Variants in CLEC1B observed in about 807,000 individuals in gnomAD.
The protein encoded by CLEC1B is C-type lectin-like receptor 2.
A neutral mutation model predicts 26.7 loss-of-function variants in CLEC1B; 26 were observed. The ratio of observed to expected loss-of-function variants is 0.97; its 90% CI spans 0.71 to 1.35. CLEC1B has a LOEUF of 1.35. CLEC1B is among the 40% of genes most tolerant of loss of function. CLEC1B has a pLI of 0.00. For synonymous variants in CLEC1B, 112 were observed against 96.0 expected (o/e 1.17, Z -0.97); for missense variants, 293 against 282.6 (o/e 1.04, Z -0.26).
At chr12:9,995,421 TA>T (rs1037657652) in intron 4 of CLEC1B, 175 bp from the exon 5 acceptor site, 11 of 609,484 alleles carry the variant, frequency 1.8e-5, no homozygotes, top group Non-Finnish European at 2.7e-5. Context: ...TCTGAGAACT[TA>T]AAAAAAACTT....
chr12:9,999,933 A>T (rs1865136196), upstream of CLEC1B, among the ~76,000 whole-genome samples: 2 of 152,208 alleles, frequency 1.3e-5, 1 homozygote, highest in South Asian at 4.1e-4. Context: ...TCACAATATA[A>T]TATGTATTGC....
At chr12:9,997,449 T>G (rs1291953047) in intron 2 of CLEC1B, among the ~76,000 whole-genome samples, 170 bp from the exon 3 acceptor site, 5 of 151,894 alleles carry the variant, frequency 3.3e-5, no homozygotes, top group African/African-American at 1.2e-4. Flanking sequence ...AAGAACAAAT[T>G]AAGAAATACA....
In CLEC1B at chr12:9,993,161, C is replaced by T. The variant is rs746441331; in HGVS notation, c.672G>A (p.Lys224=). The T allele has an allele frequency of 4.3e-6, 7 of 1,611,172 alleles. No individual in the cohort carries two copies. The Admixed American group carries it at 1.0e-4, about 23-fold the overall frequency. ...LMCERKAGMT[K]VDQLP ...CTTTGCATTAAGGTAGTTGGTCCAC[C>T]TTGGTCATGCCAGCCTTCCTCTCAC... The change falls in exon 6 of 6, where the codon AAG becomes AAA. Residue 224 remains lysine, a synonymous_variant. Transcript: ENST00000298527.
At chr12:9,994,617 G>A (rs1043563444) in intron 5 of CLEC1B, among the ~76,000 whole-genome samples, 5 of 151,998 alleles carry the variant, frequency 3.3e-5, no homozygotes, top group African/African-American at 4.8e-5. Flanking sequence ...ACAAAGCTTC[G>A]TTAATGGACA....
chr12:9,995,296 T>C (rs1265167440), intron 4 of CLEC1B, 50 bp from the exon 5 acceptor site: 1 of 1,471,434 alleles, frequency 6.8e-7, no homozygotes, highest in South Asian at 1.1e-5. Context: ...CCACAGCTCT[T>C]GGTATGATAG....
chr12:9,997,133 T>C (rs373257247), intron 3 of CLEC1B, 27 bp downstream of exon 3: 8 of 1,613,326 alleles, frequency 5.0e-6, no homozygotes, highest in Non-Finnish European at 4.2e-6. Context: ...GTTGGAGAGA[T>C]GAAGAGGTTA....
upstream of CLEC1B, among the ~76,000 whole-genome samples, chr12:10,000,944 C>T (rs1002524337): frequency 3.3e-5 from 5 of 152,062 alleles, no homozygotes; most frequent in Non-Finnish European, 7.4e-5. Context: ...ATAACTGTGA[C>T]AAAGTAACAG....
chr12:9,997,411 G>C (rs1338578972), intron 2 of CLEC1B, 132 bp from the exon 3 acceptor site: 3 of 776,012 alleles, frequency 3.9e-6, no homozygotes, highest in South Asian at 3.9e-5. Flanking sequence ...ATGATTAAAT[G>C]AATGTTGAAA....
At chr12:9,998,848 T>A (rs952476622) in intron 1 of CLEC1B, among the ~76,000 whole-genome samples, 189 bp downstream of exon 1, 1 of 152,170 alleles carries the variant, frequency 6.6e-6, no homozygotes, top group Non-Finnish European at 1.5e-5. Context: ...CCTGCACATA[T>A]ATTGGATGTT....
chr12:9,993,384 T>A, intron 5 of CLEC1B, 97 bp from the exon 6 acceptor site: 2 of 835,000 alleles, frequency 2.4e-6, no homozygotes, highest in Non-Finnish European at 3.7e-6. Context: ...AAATAGAGAC[T>A]GAGGAAAATA....
intron 5 of CLEC1B, 180 bp downstream of exon 5, chr12:9,994,960 G>A (rs2137235853): frequency 6.8e-7 from 1 of 1,474,194 alleles, no homozygotes; most frequent in East Asian, 2.7e-5. Context: ...AAAGAGCAAA[G>A]TAATGGGAGA....
At chr12:9,996,764 T>C (rs1381360356) in intron 4 of CLEC1B, 82 bp downstream of exon 4, 1 of 1,479,142 alleles carries the variant, frequency 6.8e-7, no homozygotes, top group South Asian at 1.1e-5. Context: ...AAGAAAAATG[T>C]AAAAAACAAA....
At chr12:9,995,319 G>A in intron 4 of CLEC1B, 73 bp from the exon 5 acceptor site, 1 of 1,296,758 alleles carries the variant, frequency 7.7e-7, no homozygotes, top group East Asian at 2.3e-5. Context: ...AAAGCTTCAT[G>A]ATAAGACGTT....
At chr12:9,999,328 A>G, upstream of CLEC1B, 1 of 385,266 alleles carries the variant, frequency 2.6e-6, no homozygotes, top group East Asian at 4.0e-5. Context: ...AAAAATAATA[A>G]TAACTTGTGG....
In CLEC1B at chr12:9,998,318, C is replaced by G; in HGVS notation, c.127G>C (p.Gly43Arg). 2 of 1,614,050 alleles carry G rather than the reference C, an allele frequency of 1.2e-6. No homozygotes were observed. The highest frequency in any genetic ancestry group is 1.7e-6 in the Non-Finnish European group (2 of 1,180,014). ...AGAGCCACCAGCCCGACAACCATCC[C>G]CACGCACAGGATCAGCAGAATCAAA... ...MALILLILCVGMVVGLVALGI... is the reference protein window; with the variant it reads ...MALILLILCVRMVVGLVALGI... The change falls in exon 2 of 6, where the codon GGG (glycine) becomes CGG (arginine). Residue 43 changes from glycine (G) to arginine (R), a missense_variant. Coordinates refer to ENST00000298527, the MANE Select transcript of CLEC1B (RefSeq NM_016509.4).
chr12:9,995,392 A>G (rs1865016937), intron 4 of CLEC1B, 146 bp from the exon 5 acceptor site: 1 of 736,078 alleles, frequency 1.4e-6, no homozygotes, highest in East Asian at 2.7e-5. Context: ...GATGTTTGAA[A>G]TTGTACCAAT....
At chr12:9,995,851 G>C (rs1210238880) in intron 4 of CLEC1B, among the ~76,000 whole-genome samples, 1 of 151,872 alleles carries the variant, frequency 6.6e-6, no homozygotes, top group Non-Finnish European at 1.5e-5. Context: ...TTTGTTTCTT[G>C]GCTGTTGCTT....
chr12:9,994,092 G>A (rs1280950541), intron 5 of CLEC1B, among the ~76,000 whole-genome samples: 1 of 152,080 alleles, frequency 6.6e-6, no homozygotes, highest in African/African-American at 2.4e-5. Flanking sequence ...TTTAAGGGAG[G>A]CTAATTTAGT....
chr12:9,993,610 G>A (rs563037953), intron 5 of CLEC1B, among the ~76,000 whole-genome samples: 2 of 152,182 alleles, frequency 1.3e-5, no homozygotes, highest in East Asian at 3.9e-4. Context: ...TCAGACTTTA[G>A]TTCGGTATTG....
Sources: gnomAD v4.1 joint callset for allele counts (sites outside exome capture counted in the v4.1 genomes callset) on GRCh38, gnomAD v4.1.1 for gene constraint, MANE v1.5 for transcripts, NCBI Gene and HGNC (gene_info 2026-07-23, HGNC 2026-07-21) for gene names.